ADAM28: variants seen among roughly 807,000 people sequenced by gnomAD.
ADAM28 encodes the protein disintegrin and metalloproteinase domain-containing protein 28.
Under a neutral mutation model 101.2 loss-of-function variants are expected in ADAM28, and 105 were observed. That is an observed-to-expected ratio of 1.04 (90% CI 0.89 to 1.22). The LOEUF (loss-of-function observed/expected upper bound fraction) is 1.22, where lower values mean the gene tolerates loss of function less well. Among genes scored for constraint, ADAM28 ranks in the 50% most tolerant of loss-of-function variants. ADAM28 has a pLI of 0.00. For missense variants in ADAM28, 1,028 were observed against 945.4 expected, an observed-to-expected ratio of 1.09 and a Z score of -1.15; for synonymous variants, 322 against 310.6, an observed-to-expected ratio of 1.04 and a Z score of -0.39.
rs375051536 is a variant in ADAM28, at chr8:24,351,256, G to T, written c.2124G>T (p.Arg708Ser). The change falls in exon 20 of 23, where the codon AGG (arginine) becomes AGT (serine). Residue 708 changes from arginine to serine, a missense_variant. Arg to Ser is a moderately radical substitution (Grantham distance 110). Coordinates refer to ENST00000265769, the MANE Select transcript of ADAM28 (RefSeq NM_014265.6). ...GGCCACTATCTACCACTGGCACCAG[G>T]CCACACAAACAGAAGAGGAAACCCC... Reference protein sequence around the residue: ...DQRPLSTTGTRPHKQKRKPQM... With the variant: ...DQRPLSTTGTSPHKQKRKPQM... 2.5e-6 allele frequency: 4 copies of T among 1,608,386 alleles called. No homozygotes were observed. In the African/African-American group the frequency reaches 5.4e-5, roughly 22 times the overall value.
chr8:24,321,691 C>T (rs7011486), intron 8 of ADAM28, among the ~76,000 whole-genome samples: 14,480 of 151,914 alleles, frequency 0.095, 1,400 homozygotes, highest in African/African-American at 0.25. Context: ...CCCAGAACAA[C>T]GCTAAATGTT....
chr8:24,312,313 A>T (rs1810573267), intron 5 of ADAM28, among the ~76,000 whole-genome samples: 1 of 151,984 alleles, frequency 6.6e-6, no homozygotes. Flanking sequence ...CTTTATTTTA[A>T]TCAATGGTAT....
chr8:24,336,622 T>C (rs909410031), intron 14 of ADAM28, among the ~76,000 whole-genome samples: 2 of 151,324 alleles, frequency 1.3e-5, no homozygotes, highest in African/African-American at 2.4e-5. Context: ...AAAATAACTT[T>C]ATTAGAAAGT....
At chr8:24,337,978 G>T (rs11990672) in intron 14 of ADAM28, among the ~76,000 whole-genome samples, 1 of 152,158 alleles carries the variant, frequency 6.6e-6, no homozygotes, top group East Asian at 1.9e-4. Flanking sequence ...ATTGGCAAAA[G>T]TTTGCTACAG....
At chr8:24,350,759 T>C (rs1816002489) in intron 19 of ADAM28, among the ~76,000 whole-genome samples, 1 of 152,180 alleles carries the variant, frequency 6.6e-6, no homozygotes, top group Non-Finnish European at 1.5e-5. Flanking sequence ...TTTTGATGGA[T>C]ATAGAAACAA....
At chr8:24,328,462 A>G (rs950127891) in intron 10 of ADAM28, among the ~76,000 whole-genome samples, 1 of 151,992 alleles carries the variant, frequency 6.6e-6, no homozygotes, top group African/African-American at 2.4e-5. Flanking sequence ...GATGTACAGA[A>G]GAAGTAAAAT....
rs112200024 is a variant in ADAM28, at chr8:24,337,963, T to G, written c.1568-1503T>G. Reference sequence around the variant, plus strand: ...TGAAAACAAGTTAATCTTCTACATTTGCTAATTGGCAAAAGTTTGCTACAG... The same window carrying G: ...TGAAAACAAGTTAATCTTCTACATTGGCTAATTGGCAAAAGTTTGCTACAG... On this transcript the variant is annotated intron_variant, in intron 14 of 22. Transcript: ENST00000265769. 6.3e-3 allele frequency among the ~76,000 whole-genome samples: 964 copies of G among 152,338 alleles called. 10 individuals carry two copies. The highest frequency in any genetic ancestry group is 0.022 in the African/African-American group (926 of 41,580).
chr8:24,324,755 G>C (rs893955141), intron 9 of ADAM28, among the ~76,000 whole-genome samples: 11 of 151,958 alleles, frequency 7.2e-5, no homozygotes, highest in African/African-American at 2.7e-4. Flanking sequence ...AGTGAGTCTG[G>C]TTGGTCATGT....
chr8:24,331,415 C>T (rs1813345758), intron 12 of ADAM28, 88 bp downstream of exon 12: 2 of 1,317,890 alleles, frequency 1.5e-6, no homozygotes, highest in African/African-American at 1.5e-5. Context: ...CCCGCTATAA[C>T]ATTATAGGTT....
chr8:24,340,648 T>C (rs1307707673), intron 15 of ADAM28, among the ~76,000 whole-genome samples: 2 of 152,194 alleles, frequency 1.3e-5, no homozygotes, highest in African/African-American at 2.4e-5. Context: ...TCAGTAGTCA[T>C]TGGCTATAGT....
intron 1 of ADAM28, among the ~76,000 whole-genome samples, chr8:24,298,812 A>C (rs985430693): frequency 1.3e-5 from 2 of 152,206 alleles, no homozygotes; most frequent in African/African-American, 2.4e-5. Flanking sequence ...GACTATATAC[A>C]GAGCAGAGAC....
At chr8:24,320,373 G>A in intron 7 of ADAM28, 66 bp downstream of exon 7, 1 of 1,058,472 alleles carries the variant, frequency 9.4e-7, no homozygotes, top group Non-Finnish European at 1.4e-6. Context: ...TTTATTATGT[G>A]AGACATTAAA....
At chr8:24,300,853 C>A (rs1474388552) in intron 2 of ADAM28, 1 of 152,130 alleles carries the variant, frequency 6.6e-6, no homozygotes, top group East Asian at 1.9e-4. Flanking sequence ...CAGGTGAATG[C>A]ATGTATATAT....
Position 24,355,717 on chromosome 8 carries a change from A to G in ADAM28, c.*1313A>G, listed in dbSNP as rs934405089. On this transcript the variant is annotated 3_prime_UTR_variant, in exon 23 of 23. Transcript: ENST00000265769. Reference sequence around the variant, plus strand: ...TAAAACCTGGCCTTTCAATGATGTCATGGAATTGGTAGATCAGTGACTGCT... The same window carrying G: ...TAAAACCTGGCCTTTCAATGATGTCGTGGAATTGGTAGATCAGTGACTGCT... The G allele has an allele frequency of 3.3e-5, 5 of 152,166 alleles. No homozygotes were observed. The highest frequency in any genetic ancestry group is 7.4e-5 in the Non-Finnish European group (5 of 68,026). 9.4% of individuals were successfully genotyped at this position (152,166 alleles called of 1,614,324 possible).
intron 12 of ADAM28, 144 bp downstream of exon 12, chr8:24,331,471 A>T (rs1813353731): frequency 1.2e-6 from 1 of 821,916 alleles, no homozygotes; most frequent in African/African-American, 1.8e-5. Flanking sequence ...TTTTCCAGGA[A>T]AATCTTTCTG....
chr8:24,300,673 C>T (rs534641448), intron 2 of ADAM28, among the ~76,000 whole-genome samples: 5 of 152,250 alleles, frequency 3.3e-5, no homozygotes, highest in East Asian at 1.9e-4. Context: ...GCCTCGGCCT[C>T]CCAAAGTGCT....
chr8:24,295,619 C>G (rs1469474210), intron 1 of ADAM28, among the ~76,000 whole-genome samples: 1 of 152,136 alleles, frequency 6.6e-6, no homozygotes, highest in East Asian at 1.9e-4. Flanking sequence ...ATGGCTAACA[C>G]TGGGGCCCAT....
In ADAM28 at chr8:24,336,411, G is replaced by T. The variant is rs190561292; in HGVS notation, c.1567+770G>T. Among the ~76,000 whole-genome samples the T allele has an allele frequency of 3.3e-3, 499 of 151,054 alleles. 2 individuals are homozygous for T. The highest frequency in any genetic ancestry group is 9.7e-3 in the Admixed American group (148 of 15,188). On this transcript the variant is annotated intron_variant, in intron 14 of 22. Transcript: ENST00000265769. ...ATCCTGGCTAACACGGTGAAACCCCGTCTCTACTAAAAATACAAAAAATTA... is the reference window on the plus strand; with the variant it reads ...ATCCTGGCTAACACGGTGAAACCCCTTCTCTACTAAAAATACAAAAAATTA...
At chr8:24,306,365 TATATATATATATATATATATTTAAAA>T in intron 2 of ADAM28, among the ~76,000 whole-genome samples, 2 of 123,078 alleles carry the variant, frequency 1.6e-5, no homozygotes, top group South Asian at 2.3e-4. Flanking sequence ...AATAAATAAA[TATATATATATATATATATATTTAAAA>T]ATATATATAT....
Sources: allele counts gnomAD v4.1 joint callset (sites outside exome capture counted in the v4.1 genomes callset), GRCh38; gene constraint gnomAD v4.1.1; transcripts MANE v1.5; gene names NCBI Gene and HGNC (gene_info 2026-07-23, HGNC 2026-07-21).